The following POC5 variants were observed in gnomAD, a reference collection of about 807,000 sequenced individuals.
POC5 encodes POC5 centriolar protein.
In POC5, 48 loss-of-function variants were observed where a neutral mutation model predicts 62.9. That is an observed-to-expected ratio of 0.76 (90% confidence interval 0.61 to 0.97). The LOEUF is 0.97. Ranked by LOEUF, POC5 falls within the 50% of genes least tolerant of loss-of-function variation. The pLI is 0.00. For missense variants in POC5, 696 were observed against 679.5 expected (o/e 1.02, Z -0.27); for synonymous variants, 236 against 228.2 (o/e 1.03, Z -0.31).
intron 10 of POC5, 73 bp downstream of exon 10, chr5:75,685,134 T>G: frequency 6.8e-7 from 1 of 1,479,746 alleles, no homozygotes; most frequent in Middle Eastern, 1.9e-4. Flanking sequence ...CCCAAAGTGC[T>G]GGGATTACAG....
chr5:75,694,571 G>A, intron 6 of POC5, 84 bp downstream of exon 6: 3 of 1,101,062 alleles, frequency 2.7e-6, no homozygotes, highest in Middle Eastern at 2.9e-4. Flanking sequence ...TATCTTGTAT[G>A]AGGTAAATAA....
intron 1 of POC5, among the ~76,000 whole-genome samples, chr5:75,716,401 G>A (rs909874429): frequency 1.5e-5 from 2 of 134,598 alleles, no homozygotes; most frequent in Non-Finnish European, 3.2e-5. Context: ...GGGGGGTGCT[G>A]ATTATTTAAA....
At chr5:75,679,441 T>C (rs962850274) in intron 10 of POC5, among the ~76,000 whole-genome samples, 6 of 152,146 alleles carry the variant, frequency 3.9e-5, no homozygotes, top group Admixed American at 3.3e-4. Flanking sequence ...CACAGCTGTA[T>C]ACTGAAATGG....
Position 75,716,428 on chromosome 5 carries a change from T to C in POC5, c.-15+878A>G, listed in dbSNP as rs1453942793. On this transcript the variant is annotated intron_variant, in intron 1 of 11. Coordinates refer to ENST00000428202, the MANE Select transcript of POC5 (RefSeq NM_001099271.2). ...TTATTTAAAAATGAGCTAGTAAGTA[T>C]GGTCAGATCTCAAAAATTGTTTCTT... Among the ~76,000 whole-genome samples the C allele has an allele frequency of 4.1e-5, 6 of 146,522 alleles. No individual in the cohort carries two copies. In the Admixed American group the frequency reaches 4.2e-4, roughly 10 times the overall value.
In POC5 at chr5:75,702,603, A is replaced by C. The variant is rs1192619146; in HGVS notation, c.513+2T>G. On this transcript the variant is annotated splice_donor_variant, in intron 5 of 11. Transcript: ENST00000428202. LOFTEE classifies it high-confidence loss of function. ...TGTAATTGAAGAACTGCTGTACCGTACCTTAAGACCTGAACTCCAAAGATC... is the reference window on the plus strand; with the variant it reads ...TGTAATTGAAGAACTGCTGTACCGTCCCTTAAGACCTGAACTCCAAAGATC... The C allele has an allele frequency of 6.2e-7, 1 of 1,611,922 alleles. No homozygotes were observed. Among genetic ancestry groups the C allele is most frequent in the Admixed American group, 1.7e-5 (1 of 59,846 alleles).
chr5:75,702,941 T>A, intron 4 of POC5, 131 bp from the exon 5 acceptor site: 1 of 678,564 alleles, frequency 1.5e-6, no homozygotes, highest in Non-Finnish European at 2.5e-6. Context: ...AAACTACCTT[T>A]CAGGTGTACC....
intron 5 of POC5, chr5:75,695,934 T>A (rs1776555411): frequency 6.6e-6 from 1 of 152,414 alleles, no homozygotes; most frequent in Non-Finnish European, 1.5e-5. Flanking sequence ...CCTTTCCTAG[T>A]CAAAGAAAGG....
chr5:75,688,971 T>G, intron 9 of POC5, 41 bp downstream of exon 9: 1 of 1,490,284 alleles, frequency 6.7e-7, no homozygotes, highest in South Asian at 1.5e-5. Flanking sequence ...CCTCAAATCT[T>G]TTTTTGAAAT....
At chr5:75,716,049 G>C (rs1459631487) in intron 1 of POC5, among the ~76,000 whole-genome samples, 2 of 152,080 alleles carry the variant, frequency 1.3e-5, no homozygotes, top group Non-Finnish European at 2.9e-5. Flanking sequence ...ACAGTGGGCT[G>C]AAAAATAAAT....
At chr5:75,680,849 C>T (rs1775842461) in intron 10 of POC5, among the ~76,000 whole-genome samples, 1 of 151,930 alleles carries the variant, frequency 6.6e-6, no homozygotes, top group South Asian at 2.1e-4. Context: ...ATCTTTGACC[C>T]CACATTCAGT....
At chr5:75,706,581 T>G (rs1777131267) in intron 3 of POC5, among the ~76,000 whole-genome samples, 1 of 151,950 alleles carries the variant, frequency 6.6e-6, no homozygotes. Flanking sequence ...TTTTTTTTTT[T>G]TAAACAGAGT....
chr5:75,692,828 A>T (rs560874522), intron 6 of POC5, among the ~76,000 whole-genome samples: 14 of 152,114 alleles, frequency 9.2e-5, no homozygotes, highest in African/African-American at 3.4e-4. Flanking sequence ...TCTCCTATAT[A>T]CACCATGTCT....
At chr5:75,699,379 T>C (rs1182756768) in intron 5 of POC5, among the ~76,000 whole-genome samples, 2 of 151,994 alleles carry the variant, frequency 1.3e-5, no homozygotes, top group Non-Finnish European at 2.9e-5. Flanking sequence ...CATGATCAAG[T>C]GGGCTTCATC....
chr5:75,688,710 A>G (rs1046116547), intron 9 of POC5, among the ~76,000 whole-genome samples: 2 of 152,218 alleles, frequency 1.3e-5, no homozygotes, highest in Non-Finnish European at 2.9e-5. Flanking sequence ...AAGGCATTAA[A>G]ATTCTTAGTT....
chr5:75,713,990 T>C (rs1777449782), intron 1 of POC5, among the ~76,000 whole-genome samples: 1 of 152,192 alleles, frequency 6.6e-6, no homozygotes, highest in South Asian at 2.1e-4. Flanking sequence ...ATATTAAAAA[T>C]CTGGGTGTTT....
At chr5:75,694,565 T>G (rs1776478588) in intron 6 of POC5, 90 bp downstream of exon 6, 3 of 1,066,694 alleles carry the variant, frequency 2.8e-6, no homozygotes, top group Non-Finnish European at 3.9e-6. Flanking sequence ...AACCTGTATC[T>G]TGTATGAGGT....
intron 2 of POC5, among the ~76,000 whole-genome samples, chr5:75,710,343 G>A (rs1452971560): frequency 6.6e-6 from 1 of 152,186 alleles, no homozygotes; most frequent in African/African-American, 2.4e-5. Context: ...GAGTTACGGA[G>A]TCTGAATGTT....
At position 75,717,398 on chromosome 5, in the gene POC5, C is replaced by T. The variant is rs1003189588; in HGVS notation, c.-107G>A. 6.6e-6 allele frequency: 1 copy of T among 152,272 alleles called. No homozygotes were observed. The highest frequency in any genetic ancestry group is 6.5e-5 in the Admixed American group (1 of 15,290). 9.4% of individuals were successfully genotyped at this position (152,272 alleles called of 1,614,324 possible). On this transcript the variant is annotated 5_prime_UTR_variant, in exon 1 of 12. The change creates a new upstream start codon in the 5' untranslated region. Coordinates refer to ENST00000428202, the MANE Select transcript of POC5 (RefSeq NM_001099271.2). Reference sequence around the variant, plus strand: ...TCAGCAAGTGCAGCCTCAGCAAGCACAACCGCTACCTAGACGGCAACCTGA... The same window carrying T: ...TCAGCAAGTGCAGCCTCAGCAAGCATAACCGCTACCTAGACGGCAACCTGA...
At chr5:75,716,514 C>T (rs1326335856) in intron 1 of POC5, among the ~76,000 whole-genome samples, 1 of 152,090 alleles carries the variant, frequency 6.6e-6, no homozygotes, top group Non-Finnish European at 1.5e-5. Context: ...ATGCTATCTT[C>T]CATCTGCCCT....
Sources: gnomAD v4.1 joint callset for allele counts (sites outside exome capture counted in the v4.1 genomes callset) on GRCh38, gnomAD v4.1.1 for gene constraint, MANE v1.5 for transcripts, NCBI Gene and HGNC (gene_info 2026-07-23, HGNC 2026-07-21) for gene names.